The following DNAAF9 variants were observed in gnomAD, a reference collection of about 807,000 sequenced individuals.
DNAAF9 encodes shulin.
In DNAAF9, 90 loss-of-function variants were observed where a neutral mutation model predicts 167.0. The observed-to-expected ratio is 0.54, with a 90% CI of 0.45 to 0.64. The LOEUF is 0.64. Among genes scored for constraint, DNAAF9 ranks in the 30% least tolerant of loss-of-function variants. The probability of loss-of-function intolerance (pLI) is 0.00; values close to 1 mark genes in which losing one functional copy is unlikely to be tolerated. For missense variants in DNAAF9, 1,315 were observed against 1,442.2 expected (o/e 0.91, Z 1.43); for synonymous variants, 491 against 508.8 (o/e 0.96, Z 0.47).
At position 3,278,956 on chromosome 20, in the gene DNAAF9, G is replaced by A; in HGVS notation, c.2613-7C>T. The A allele has an allele frequency of 6.3e-7, 1 of 1,579,984 alleles. No homozygotes were observed. The highest frequency in any genetic ancestry group is 8.7e-7 in the Non-Finnish European group (1 of 1,153,332). ...ACATTTAGGAAAGAGAAATCTAGGG[G>A]GAAAAAAGGGGGAAATATTTAAAAA... On this transcript the variant is annotated splice_region_variant and splice_polypyrimidine_tract_variant and intron_variant, in intron 28 of 36. Coordinates refer to ENST00000252032, the MANE Select transcript of DNAAF9 (RefSeq NM_001009984.3).
chr20:3,366,831 G>T (rs1207955267), intron 6 of DNAAF9, among the ~76,000 whole-genome samples: 2 of 151,706 alleles, frequency 1.3e-5, no homozygotes, highest in Non-Finnish European at 2.9e-5. Context: ...AGGCTGAGGT[G>T]GGAGGATGGC....
chr20:3,288,033 T>C (rs7266575), intron 26 of DNAAF9, among the ~76,000 whole-genome samples: 6,715 of 152,218 alleles, frequency 0.044, 220 homozygotes, highest in African/African-American at 0.094. Flanking sequence ...ATAGGGAAAA[T>C]GGTCAGGTAA....
intron 31 of DNAAF9, among the ~76,000 whole-genome samples, chr20:3,260,940 ATTTC>A (rs925846242): frequency 6.6e-6 from 1 of 151,622 alleles, no homozygotes; most frequent in African/African-American, 2.4e-5. Flanking sequence ...TCTTGCTCCC[ATTTC>A]TTTAAGGGCT....
intron 27 of DNAAF9, among the ~76,000 whole-genome samples, chr20:3,283,996 TA>T (rs1283159052): frequency 6.6e-6 from 1 of 152,028 alleles, no homozygotes; most frequent in East Asian, 1.9e-4. Context: ...TGATGAGGCC[TA>T]TACATCTGGG....
chr20:3,274,347 T>C (rs2068643230), intron 29 of DNAAF9, among the ~76,000 whole-genome samples: 1 of 152,176 alleles, frequency 6.6e-6, no homozygotes. Context: ...TTCACCATGT[T>C]GGCCAGGCTG....
rs1415821713 is a variant in DNAAF9, at chr20:3,251,442, CCT to C, written c.*1128_*1129del. The C allele has an allele frequency of 1.3e-5, 2 of 152,322 alleles. No individual in the cohort carries two copies. Among genetic ancestry groups the C allele is most frequent in the African/African-American group, 2.4e-5 (1 of 41,544 alleles). 9.4% of individuals were successfully genotyped at this position (152,322 alleles called of 1,614,324 possible). A position where few individuals can be genotyped will look rare whatever the true frequency, so the allele number is the denominator to read the frequency against. ...CCTAAATATCAGTGGCTGTGACTCC[CCT>C]GTCCCCCACACCAATTATGAAGGTC... On this transcript the variant is annotated 3_prime_UTR_variant, in exon 37 of 37. Coordinates refer to ENST00000252032, the MANE Select transcript of DNAAF9 (RefSeq NM_001009984.3).
intron 29 of DNAAF9, among the ~76,000 whole-genome samples, chr20:3,273,664 C>T (rs1261259364): frequency 1.3e-5 from 2 of 152,140 alleles, no homozygotes; most frequent in Non-Finnish European, 2.9e-5. Context: ...AGGGATCTGC[C>T]CCCATGACCC....
chr20:3,279,437 C>T (rs2068729550), intron 28 of DNAAF9, among the ~76,000 whole-genome samples: 1 of 152,082 alleles, frequency 6.6e-6, no homozygotes, highest in Admixed American at 6.6e-5. Flanking sequence ...GGAAACTGAC[C>T]ATCTGAATTA....
intron 6 of DNAAF9, among the ~76,000 whole-genome samples, chr20:3,364,424 T>C (rs918549559): frequency 1.3e-5 from 2 of 152,190 alleles, no homozygotes; most frequent in Non-Finnish European, 2.9e-5. Context: ...GTCCTGCTTT[T>C]ATGAATTATT....
At chr20:3,387,112 A>C (rs2083752855) in intron 1 of DNAAF9, among the ~76,000 whole-genome samples, 1 of 152,234 alleles carries the variant, frequency 6.6e-6, no homozygotes, top group South Asian at 2.1e-4. Flanking sequence ...ATTCAGTGTA[A>C]TCCCTTCTCA....
chr20:3,280,454 A>G lies in DNAAF9; in HGVS notation c.2612+1187T>C, dbSNP rs138780097. The stretch of plus-strand genomic sequence containing the variant: ...GTGGTGCATGCCTGTAATCCCAGCT[A>G]CTCGGGAGGCTGAGGCAAGAAAATC... On this transcript the variant is annotated intron_variant, in intron 28 of 36. Coordinates refer to ENST00000252032, the MANE Select transcript of DNAAF9 (RefSeq NM_001009984.3). Among the ~76,000 whole-genome samples, 1,363 of 151,606 alleles carry G rather than the reference A, an allele frequency of 9.0e-3. 20 individuals carry two copies. The highest frequency in any genetic ancestry group is 0.032 in the African/African-American group (1,309 of 41,328).
intron 32 of DNAAF9, 33 bp from the exon 33 acceptor site, chr20:3,259,587 C>G: frequency 6.8e-7 from 1 of 1,475,884 alleles, no homozygotes; most frequent in Non-Finnish European, 9.5e-7. Context: ...CTGTCACCCA[C>G]ATGGAGGCAC....
chr20:3,340,434 CCCCCCACCCACCCCA>C, intron 10 of DNAAF9, 55 bp downstream of exon 10: 2 of 184,744 alleles, frequency 1.1e-5, no homozygotes, highest in Non-Finnish European at 1.2e-5. Context: ...TTGTCTAGCT[CCCCCCACCCACCCCA>C]CCCCCACAAC....
At chr20:3,276,929 C>T (rs1418702356) in intron 29 of DNAAF9, among the ~76,000 whole-genome samples, 1 of 152,176 alleles carries the variant, frequency 6.6e-6, no homozygotes, top group Non-Finnish European at 1.5e-5. Context: ...TTCTCTGAGT[C>T]AATCTTCACT....
intron 35 of DNAAF9, among the ~76,000 whole-genome samples, chr20:3,254,035 C>G (rs989258613): frequency 6.6e-6 from 1 of 152,028 alleles, no homozygotes; most frequent in Non-Finnish European, 1.5e-5. Context: ...GGATGAAGTT[C>G]CCACGGTGTG....
rs1216737334 is a variant in DNAAF9 at position 3,270,531 on chromosome 20, G to A, written c.2682C>T (p.His894=). 2 of 1,612,554 alleles carry A rather than the reference G, an allele frequency of 1.2e-6. No homozygotes were observed. The highest frequency in any genetic ancestry group is 1.3e-5 in the African/African-American group (1 of 74,880). ...GGAGAGGGTGCCGCTGCTCCGTGGT[G>A]TGACTGGTGAATACCACGTTACTCA... ...GLVSNVVFTS[H]TTEQRHPLLV... Residue 894 remains histidine, a synonymous_variant, in exon 30 of 37, where the codon CAC becomes CAT. Transcript: ENST00000252032.
At chr20:3,334,253 C>T (rs966292737) in intron 10 of DNAAF9, among the ~76,000 whole-genome samples, 9 of 152,308 alleles carry the variant, frequency 5.9e-5, no homozygotes, top group East Asian at 3.9e-4. Context: ...AACCCACTGC[C>T]GCCTCAGCTC....
chr20:3,255,258 G>C lies in DNAAF9; in HGVS notation c.3288C>G (p.Thr1096=). 6.4e-7 allele frequency: 1 copy of C among 1,550,964 alleles called. No homozygotes were observed. Reference sequence around the variant, plus strand: ...TCTCCTGTTGCGTCAGCATCCCCCTGGTCTTCAGGGCTTTCCTCTGAGGCT... The same window carrying C: ...TCTCCTGTTGCGTCAGCATCCCCCTCGTCTTCAGGGCTTTCCTCTGAGGCT... ...KQKPQRKALK[T]RGMLTQQEIR... The change falls in exon 35 of 37, where the codon ACC becomes ACG. Residue 1096 remains threonine, a synonymous_variant. Transcript: ENST00000252032.
At chr20:3,261,565 A>G (rs193135878) in intron 31 of DNAAF9, among the ~76,000 whole-genome samples, 14 of 150,256 alleles carry the variant, frequency 9.3e-5, no homozygotes, top group Admixed American at 8.6e-4. Flanking sequence ...ATGGGGTTTC[A>G]CCATGTTGGC....
Sources: gnomAD v4.1 joint callset for allele counts (sites outside exome capture counted in the v4.1 genomes callset) on GRCh38, gnomAD v4.1.1 for gene constraint, MANE v1.5 for transcripts, NCBI Gene and HGNC (gene_info 2026-07-23, HGNC 2026-07-21) for gene names.